Variants in SLCO1B1 observed in about 807,000 individuals in gnomAD.
The protein encoded by SLCO1B1 is solute carrier organic anion transporter family member 1B1, also known as OATP-2.
SLCO1B1 carries 81 observed loss-of-function variants against 70.1 expected under a neutral mutation model. That is an observed-to-expected ratio of 1.16 (90% CI 0.97 to 1.39). The LOEUF is 1.39. Ranked by LOEUF, SLCO1B1 falls within the 40% of genes most tolerant of loss-of-function variation. The pLI is 0.00. For missense variants in SLCO1B1, 895 were observed against 799.6 expected (o/e 1.12, Z -1.44); for synonymous variants, 283 against 271.5 (o/e 1.04, Z -0.42).
At chr12:21,237,081 A>G (rs535947502) in intron 14 of SLCO1B1, among the ~76,000 whole-genome samples, 4 of 152,224 alleles carry the variant, frequency 2.6e-5, no homozygotes, top group Middle Eastern at 3.4e-3. Flanking sequence ...TCTATTTGTT[A>G]TACTTGTTCT....
At chr12:21,185,715 GAAAAT>G (rs1180533151) in intron 7 of SLCO1B1, among the ~76,000 whole-genome samples, 3 of 151,666 alleles carry the variant, frequency 2.0e-5, no homozygotes, top group Non-Finnish European at 4.4e-5. Context: ...AAAGCAAACT[GAAAAT>G]AAATAACGAA....
In SLCO1B1 at chr12:21,226,004, C is replaced by T. The variant is rs117845688; in HGVS notation, c.1865+1165C>T. On this transcript the variant is annotated intron_variant, in intron 14 of 14. Coordinates refer to ENST00000256958, the MANE Select transcript of SLCO1B1 (RefSeq NM_006446.5). ...TTCAATAGGTGAATGGATAGCCAAACTGGGGTATATTCATACAATAGAAAA... is the reference window on the plus strand; with the variant it reads ...TTCAATAGGTGAATGGATAGCCAAATTGGGGTATATTCATACAATAGAAAA... 2.1e-3 allele frequency among the ~76,000 whole-genome samples: 313 copies of T among 152,260 alleles called. 8 individuals carry two copies. The East Asian group carries it at 0.048, about 23-fold the overall frequency.
Position 21,176,866 on chromosome 12 carries a change from C to T in SLCO1B1, c.450C>T (p.Leu150=). The change falls in exon 5 of 15, where the codon CTC becomes CTT. Residue 150 remains leucine, a synonymous_variant. Transcript: ENST00000256958. ...GTTTAATTAATCAAATTTTATCACT[C>T]AATAGAGCATCACCTGAGATAGTGG... is the stretch of plus-strand genomic sequence containing the variant. ...STCLINQILS[L]NRASPEIVGK... 3.8e-6 allele frequency: 6 copies of T among 1,561,824 alleles called. No individual in the cohort carries two copies. The highest frequency in any genetic ancestry group is 5.3e-6 in the Non-Finnish European group (6 of 1,132,390).
At chr12:21,194,953 G>T (rs773599828) in intron 7 of SLCO1B1, among the ~76,000 whole-genome samples, 1 of 152,108 alleles carries the variant, frequency 6.6e-6, no homozygotes, top group Non-Finnish European at 1.5e-5. Context: ...GGGAGGCAAG[G>T]TGCCACACAC....
intron 1 of SLCO1B1, among the ~76,000 whole-genome samples, chr12:21,139,889 C>T (rs770678576): frequency 2.0e-5 from 3 of 151,962 alleles, no homozygotes; most frequent in Non-Finnish European, 4.4e-5. Flanking sequence ...TTCGAATGGG[C>T]CCCAAAGATA....
At chr12:21,155,343 A>G (rs1382269273) in intron 2 of SLCO1B1, among the ~76,000 whole-genome samples, 1 of 151,850 alleles carries the variant, frequency 6.6e-6, no homozygotes, top group East Asian at 1.9e-4. Context: ...ATTATTTTAT[A>G]CTATTTTACA....
Position 21,200,609 on chromosome 12 carries a change from T to C in SLCO1B1, c.1072T>C (p.Tyr358His), listed in dbSNP as rs1941146079. 1 of 1,612,166 alleles carries C rather than the reference T, an allele frequency of 6.2e-7. No individual in the cohort carries two copies. ...AAGCAGCTATATTGGTGCTTTTACT[T>C]ATGTCTTCAAATACGTAGAGCAACA... ...QVSSYIGAFTYVFKYVEQQYG... is the reference protein window; with the variant it reads ...QVSSYIGAFTHVFKYVEQQYG... Residue 358 changes from tyrosine to histidine, a missense_variant, in exon 9 of 15, where the codon TAT becomes CAT. By Grantham distance (83) the Tyr-to-His change is moderately conservative. Transcript: ENST00000256958.
chr12:21,160,962 A>C (rs1591803956), intron 2 of SLCO1B1, among the ~76,000 whole-genome samples: 2 of 152,334 alleles, frequency 1.3e-5, no homozygotes, highest in East Asian at 3.9e-4. Context: ...ACAATGAGAC[A>C]TTATCTCACG....
At chr12:21,138,619 A>T (rs1442014812) in intron 1 of SLCO1B1, among the ~76,000 whole-genome samples, 1 of 152,184 alleles carries the variant, frequency 6.6e-6, no homozygotes, top group Admixed American at 6.5e-5. Flanking sequence ...AGAGATGTGA[A>T]ATAGTATTTT....
chr12:21,221,912 C>G (rs1424112642), intron 12 of SLCO1B1, among the ~76,000 whole-genome samples: 1 of 151,916 alleles, frequency 6.6e-6, no homozygotes, highest in Non-Finnish European at 1.5e-5. Flanking sequence ...GGATATCTAC[C>G]AAAAGGAAAG....
chr12:21,142,798 T>G (rs960027713), intron 2 of SLCO1B1, among the ~76,000 whole-genome samples: 17 of 152,238 alleles, frequency 1.1e-4, no homozygotes, highest in Admixed American at 3.3e-4. Context: ...GTAATTTCAC[T>G]GACATGTGCA....
At chr12:21,199,082 CTTCTT>C (rs1430834470) in intron 8 of SLCO1B1, among the ~76,000 whole-genome samples, 1 of 152,030 alleles carries the variant, frequency 6.6e-6, no homozygotes, top group Non-Finnish European at 1.5e-5. Context: ...TTTCTTATCT[CTTCTT>C]TTTTTCTTTT....
chr12:21,167,634 A>G (rs1940702609), intron 2 of SLCO1B1, among the ~76,000 whole-genome samples: 1 of 152,126 alleles, frequency 6.6e-6, no homozygotes, highest in African/African-American at 2.4e-5. Context: ...TTAAGTGTAC[A>G]ATTAAAAAGT....
At chr12:21,214,982 G>A (rs1249630156) in intron 11 of SLCO1B1, among the ~76,000 whole-genome samples, 1 of 152,074 alleles carries the variant, frequency 6.6e-6, no homozygotes, top group Non-Finnish European at 1.5e-5. Flanking sequence ...CTAGTGAGAT[G>A]AACCCGGTAC....
chr12:21,133,415 C>A (rs991165983), intron 1 of SLCO1B1, among the ~76,000 whole-genome samples: 20 of 152,088 alleles, frequency 1.3e-4, no homozygotes, highest in Non-Finnish European at 2.6e-4. Flanking sequence ...CTATAAATTA[C>A]CTTGGACAGT....
Position 21,147,282 on chromosome 12 carries a change from T to A in SLCO1B1, c.84+5624T>A, listed in dbSNP as rs546200157. 1.9e-4 allele frequency among the ~76,000 whole-genome samples: 29 copies of A among 152,284 alleles called. 2 individuals carry two copies. In the South Asian group the frequency reaches 3.7e-3, roughly 20 times the overall value. ...TTACCATGGAATGTTTTTCTCCACT[T>A]CTTTACTTTTTTAAAAAATTACACT... On this transcript the variant is annotated intron_variant, in intron 2 of 14. Coordinates refer to ENST00000256958, the MANE Select transcript of SLCO1B1 (RefSeq NM_006446.5).
chr12:21,228,179 T>G (rs11045877), intron 14 of SLCO1B1, among the ~76,000 whole-genome samples: 49,172 of 151,932 alleles, frequency 0.32, 8,435 homozygotes, highest in East Asian at 0.45. Context: ...TCAGATTCTA[T>G]CTAGGGTCAT....
intron 14 of SLCO1B1, 125 bp from the exon 15 acceptor site, chr12:21,238,854 G>C (rs753126976): frequency 2.6e-5 from 14 of 531,836 alleles, no homozygotes; most frequent in African/African-American, 3.9e-5. Context: ...AGAATTATTA[G>C]AATTATTGTC....
At chr12:21,179,605 A>G (rs1037989932) in intron 7 of SLCO1B1, among the ~76,000 whole-genome samples, 2 of 152,166 alleles carry the variant, frequency 1.3e-5, no homozygotes, top group Non-Finnish European at 2.9e-5. Context: ...TATCTCATAG[A>G]TGAAAGAGAT....
Sources: allele counts gnomAD v4.1 joint callset (sites outside exome capture counted in the v4.1 genomes callset), GRCh38; gene constraint gnomAD v4.1.1; transcripts MANE v1.5; gene names NCBI Gene and HGNC (gene_info 2026-07-23, HGNC 2026-07-21).